Variants in NELL2 observed in about 807,000 individuals in gnomAD.
NELL2 encodes neural EGFL like 2.
In NELL2, 41 loss-of-function variants were observed where a neutral mutation model predicts 109.6. That is an observed-to-expected ratio of 0.37 (90% CI 0.29 to 0.49). The LOEUF (loss-of-function observed/expected upper bound fraction) is 0.49, where lower values mean the gene tolerates loss of function less well. Ranked by LOEUF, NELL2 falls within the 20% of genes least tolerant of loss-of-function variation. The pLI is 0.98. For missense variants in NELL2, 900 were observed against 1,008.3 expected, an observed-to-expected ratio of 0.89 and a Z score of 1.45; for synonymous variants, 355 against 344.7, an observed-to-expected ratio of 1.03 and a Z score of -0.33.
intron 15 of NELL2, among the ~76,000 whole-genome samples, chr12:44,539,550 T>C (rs1942452440): frequency 6.6e-6 from 1 of 152,178 alleles, no homozygotes; most frequent in Admixed American, 6.6e-5. Context: ...CTAAATGTTT[T>C]ATTACTTTAT....
chr12:44,780,521 C>T (rs899626585), intron 3 of NELL2, among the ~76,000 whole-genome samples: 88 of 151,644 alleles, frequency 5.8e-4, no homozygotes, highest in Non-Finnish European at 4.1e-4. Context: ...GCATGTAACA[C>T]CAGAATAGTG....
intron 19 of NELL2, among the ~76,000 whole-genome samples, chr12:44,519,778 C>T (rs1244618838): frequency 7.9e-5 from 12 of 151,982 alleles, no homozygotes; most frequent in Admixed American, 5.9e-4. Context: ...ATATAAATAA[C>T]GGATCATTCT....
At chr12:44,673,592 TAAAC>T (rs1948214196) in intron 12 of NELL2, among the ~76,000 whole-genome samples, 1 of 152,166 alleles carries the variant, frequency 6.6e-6, no homozygotes, top group Non-Finnish European at 1.5e-5. Flanking sequence ...TGTAGAGAAT[TAAAC>T]AAAGAGTGCC....
In NELL2 at chr12:44,509,030, C is replaced by A. The variant is rs191798719; in HGVS notation, c.2401-46G>T. ...AAGAAAAACAGTATGAATTTTTAAG[C>A]CATTAGTAAATGATCACATTTATTG... is the stretch of plus-strand genomic sequence containing the variant. On this transcript the variant is annotated intron_variant, in intron 19 of 19. Coordinates refer to ENST00000429094, the MANE Select transcript of NELL2 (RefSeq NM_001145108.2). 5.4e-4 allele frequency: 815 copies of A among 1,503,946 alleles called. 1 individual carries two copies. The African/African-American group carries it at 0.01, about 19-fold the overall frequency. The allele number at this position is 1,503,946 out of a possible 1,614,324, so 93.2% of individuals were successfully genotyped here. A position where few individuals can be genotyped will look rare whatever the true frequency, so the allele number is the denominator to read the frequency against.
intron 12 of NELL2, among the ~76,000 whole-genome samples, chr12:44,672,204 G>A (rs1487666207): frequency 4.6e-5 from 7 of 152,150 alleles, no homozygotes; most frequent in East Asian, 1.9e-4. Flanking sequence ...CCCCAACCCC[G>A]GGATGGCGAA....
At chr12:44,861,226 A>C (rs879789756) in intron 2 of NELL2, among the ~76,000 whole-genome samples, 3 of 152,172 alleles carry the variant, frequency 2.0e-5, no homozygotes, top group Admixed American at 1.3e-4. Flanking sequence ...AATAATCTTG[A>C]GGAAACGAAA....
chr12:44,684,396 GT>G (rs1012487902), intron 12 of NELL2, among the ~76,000 whole-genome samples: 2 of 152,120 alleles, frequency 1.3e-5, no homozygotes, highest in Admixed American at 6.5e-5. Flanking sequence ...TTTTTGAAGG[GT>G]TTTTTGTGTC....
intron 15 of NELL2, among the ~76,000 whole-genome samples, chr12:44,600,052 C>A (rs1199820710): frequency 6.6e-6 from 1 of 150,766 alleles, no homozygotes; most frequent in Non-Finnish European, 1.5e-5. Context: ...AGCCCCGCCT[C>A]CCCAGTTCAC....
At chr12:44,667,898 CCTGAGCCTAGCA>C (rs779090920) in intron 12 of NELL2, among the ~76,000 whole-genome samples, 24 of 152,284 alleles carry the variant, frequency 1.6e-4, no homozygotes, top group Non-Finnish European at 2.9e-4. Flanking sequence ...CCTCACAGGC[CCTGAGCCTAGCA>C]TAGGAAACTG....
chr12:44,866,843 C>T (rs1460971543), intron 2 of NELL2, among the ~76,000 whole-genome samples: 1 of 151,878 alleles, frequency 6.6e-6, no homozygotes, highest in Non-Finnish European at 1.5e-5. Context: ...CTACTATAAA[C>T]AATTATATGC....
chr12:44,623,850 G>T (rs751224705), intron 13 of NELL2, among the ~76,000 whole-genome samples: 3 of 152,096 alleles, frequency 2.0e-5, no homozygotes, highest in Non-Finnish European at 4.4e-5. Context: ...ACTGGATGAA[G>T]CTGGAAACCA....
chr12:44,717,462 ACTAACT>A lies in NELL2; in HGVS notation c.995-2727_995-2722del, dbSNP rs370627404. ...AGTAGGGCAGACAGACTCATACACA[ACTAACT>A]CTAAGAGAAGTCAAACTGAAATTCT... On this transcript the variant is annotated intron_variant, in intron 9 of 19. Coordinates refer to ENST00000429094, the MANE Select transcript of NELL2 (RefSeq NM_001145108.2). Among the ~76,000 whole-genome samples the A allele has an allele frequency of 5.9e-3, 905 of 152,308 alleles. 8 individuals are homozygous for A. Among genetic ancestry groups the A allele is most frequent in the African/African-American group, 0.021 (858 of 41,564 alleles).
At chr12:44,652,433 C>T (rs1428723241) in intron 13 of NELL2, among the ~76,000 whole-genome samples, 2 of 152,016 alleles carry the variant, frequency 1.3e-5, no homozygotes, top group Non-Finnish European at 2.9e-5. Context: ...ATGTTGAGCA[C>T]CCCTCATTTT....
At chr12:44,521,618 A>G (rs895776720) in intron 18 of NELL2, among the ~76,000 whole-genome samples, 1 of 152,096 alleles carries the variant, frequency 6.6e-6, no homozygotes, top group Non-Finnish European at 1.5e-5. Flanking sequence ...ATGGGTTAAC[A>G]AAAGTTCTAC....
intron 9 of NELL2, among the ~76,000 whole-genome samples, chr12:44,745,464 G>A (rs939520630): frequency 3.9e-5 from 6 of 152,090 alleles, no homozygotes; most frequent in Non-Finnish European, 7.4e-5. Flanking sequence ...AGTCAGGCAG[G>A]AGAAGGAAAT....
intron 2 of NELL2, among the ~76,000 whole-genome samples, chr12:44,835,064 T>C (rs1944010506): frequency 6.6e-6 from 1 of 152,006 alleles, no homozygotes; most frequent in African/African-American, 2.4e-5. Context: ...GGGGACACAC[T>C]CTAGCTCAGA....
chr12:44,879,944 A>T (rs889253079), upstream of NELL2, among the ~76,000 whole-genome samples: 1 of 151,912 alleles, frequency 6.6e-6, no homozygotes, highest in Non-Finnish European at 1.5e-5. Flanking sequence ...AAGTAGCATT[A>T]AACTCCCAGG....
chr12:44,611,913 A>C (rs901134014), intron 13 of NELL2, among the ~76,000 whole-genome samples: 1 of 152,094 alleles, frequency 6.6e-6, no homozygotes, highest in Non-Finnish European at 1.5e-5. Context: ...ATGCACACAA[A>C]TTAGTTCAGC....
At chr12:44,701,338 G>T (rs1245258184) in intron 12 of NELL2, among the ~76,000 whole-genome samples, 1 of 151,956 alleles carries the variant, frequency 6.6e-6, no homozygotes, top group Non-Finnish European at 1.5e-5. Flanking sequence ...ATGTTTTGAA[G>T]ATTATATATT....
Sources: allele counts gnomAD v4.1 joint callset (sites outside exome capture counted in the v4.1 genomes callset), GRCh38; gene constraint gnomAD v4.1.1; transcripts MANE v1.5; gene names NCBI Gene and HGNC (gene_info 2026-07-23, HGNC 2026-07-21).